The following RANBP2 variants were observed in gnomAD, a reference collection of about 807,000 sequenced individuals.
RANBP2 encodes E3 SUMO-protein ligase RanBP2.
RANBP2 carries 57 observed loss-of-function variants against 303.6 expected under a neutral mutation model. The observed-to-expected ratio is 0.19, with a 90% CI of 0.15 to 0.23. The LOEUF (loss-of-function observed/expected upper bound fraction) is 0.23. RANBP2 is among the 10% of genes least tolerant of loss of function. The probability of loss-of-function intolerance (pLI) is 1.00; values close to 1 mark genes in which losing one functional copy is unlikely to be tolerated. For missense variants in RANBP2, 3,138 were observed against 3,780.8 expected, an observed-to-expected ratio of 0.83 and a Z score of 4.46; for synonymous variants, 1,167 against 1,301.5, an observed-to-expected ratio of 0.90 and a Z score of 2.23.
At chr2:109,182,015 A>C in the RANBP2 span, among the ~76,000 whole-genome samples, 1 of 152,124 alleles carries the variant, frequency 6.6e-6, no homozygotes, top group Non-Finnish European at 1.5e-5. Context: ...CTGATTTTGA[A>C]CTTCAAAAAA....
chr2:109,713,553 T>G, the RANBP2 span, among the ~76,000 whole-genome samples: 1 of 152,154 alleles, frequency 6.6e-6, no homozygotes, highest in South Asian at 2.1e-4. Flanking sequence ...TTCACTGGGT[T>G]GGAAATCAAT....
chr2:109,731,501 T>A, the RANBP2 span, among the ~76,000 whole-genome samples: 6 of 151,922 alleles, frequency 3.9e-5, no homozygotes, highest in Non-Finnish European at 7.4e-5. Context: ...TTCAAGCAAT[T>A]CTCTTGCCTC....
At chr2:108,997,884 C>A in the RANBP2 span, among the ~76,000 whole-genome samples, 4 of 152,186 alleles carry the variant, frequency 2.6e-5, no homozygotes, top group Non-Finnish European at 5.9e-5. Context: ...GAGTTAGACT[C>A]CGTCTCAAAA....
chr2:108,756,245 G>A (rs1676308518), intron 17 of RANBP2, among the ~76,000 whole-genome samples: 3 of 152,166 alleles, frequency 2.0e-5, no homozygotes, highest in Admixed American at 2.0e-4. Context: ...GTATAGCTAG[G>A]AATTGAAAAG....
the RANBP2 span, among the ~76,000 whole-genome samples, chr2:109,656,911 C>A: frequency 1.3e-5 from 2 of 151,838 alleles, no homozygotes; most frequent in Admixed American, 6.6e-5. Context: ...AAAAGTAGGG[C>A]GGTTCATAGA....
the RANBP2 span, among the ~76,000 whole-genome samples, chr2:108,833,963 G>T: frequency 6.9e-6 from 1 of 145,296 alleles, no homozygotes; most frequent in Non-Finnish European, 1.5e-5. Context: ...AGCCAGGATG[G>T]TCTCTATCTC....
the RANBP2 span, among the ~76,000 whole-genome samples, chr2:109,228,771 G>C: frequency 6.6e-6 from 1 of 152,150 alleles, no homozygotes; most frequent in East Asian, 1.9e-4. Flanking sequence ...CCGTCTCTGT[G>C]GAGTTAGATG....
the RANBP2 span, among the ~76,000 whole-genome samples, chr2:108,904,842 A>G: frequency 6.6e-6 from 1 of 152,190 alleles, no homozygotes; most frequent in Non-Finnish European, 1.5e-5. Context: ...GGCTGTGGCT[A>G]TAAAAGGCAA....
chr2:109,674,458 C>T, the RANBP2 span, among the ~76,000 whole-genome samples: 14 of 147,262 alleles, frequency 9.5e-5, no homozygotes, highest in Non-Finnish European at 1.5e-4. Flanking sequence ...ATGGCATGTA[C>T]CTGTAGTCCC....
the RANBP2 span, among the ~76,000 whole-genome samples, chr2:109,369,247 C>A: frequency 6.6e-6 from 1 of 151,602 alleles, no homozygotes; most frequent in Non-Finnish European, 1.5e-5. Context: ...ACTCTAGAGG[C>A]TGAGGCAGGG....
chr2:109,415,878 G>A, the RANBP2 span, among the ~76,000 whole-genome samples: 61 of 152,246 alleles, frequency 4.0e-4, no homozygotes, highest in Middle Eastern at 3.4e-3. Context: ...ACTGAGAGGT[G>A]GGGCCTTTAA....
the RANBP2 span, among the ~76,000 whole-genome samples, chr2:109,722,836 A>C: frequency 6.6e-6 from 1 of 151,978 alleles, no homozygotes; most frequent in Non-Finnish European, 1.5e-5. Context: ...GCTGCATAGT[A>C]CTCCATGGTG....
chr2:109,719,309 A>G, the RANBP2 span, among the ~76,000 whole-genome samples: 2 of 151,516 alleles, frequency 1.3e-5, no homozygotes, highest in Non-Finnish European at 2.9e-5. Context: ...CATGTTGATC[A>G]GGCTGGTCTC....
At chr2:109,544,358 T>C in the RANBP2 span, 13 of 1,559,802 alleles carry the variant, frequency 8.3e-6, no homozygotes, top group Non-Finnish European at 1.0e-5. Flanking sequence ...ATTGGTACAA[T>C]TTAAAAAAAA....
the RANBP2 span, among the ~76,000 whole-genome samples, chr2:109,357,444 G>T: frequency 6.6e-6 from 1 of 152,212 alleles, no homozygotes; most frequent in Non-Finnish European, 1.5e-5. Flanking sequence ...GCCTCCCAAA[G>T]TGCTGGGATT....
At chr2:109,263,688 C>T in the RANBP2 span, among the ~76,000 whole-genome samples, 4 of 152,128 alleles carry the variant, frequency 2.6e-5, no homozygotes, top group African/African-American at 7.2e-5. Context: ...AATGTGAGGC[C>T]GGGTGCGGTG....
chr2:109,550,596 G>A, the RANBP2 span, among the ~76,000 whole-genome samples: 8 of 152,190 alleles, frequency 5.3e-5, no homozygotes, highest in South Asian at 2.1e-4. Context: ...TTGCAGGCGT[G>A]AGCCACCACG....
chr2:109,251,307 CA>C, the RANBP2 span: 1 of 415,896 alleles, frequency 2.4e-6, no homozygotes, highest in Non-Finnish European at 4.5e-6. Flanking sequence ...ATGCCCGGCC[CA>C]AATTATCTTT....
the RANBP2 span, among the ~76,000 whole-genome samples, chr2:109,299,518 T>C: frequency 7.6e-4 from 116 of 152,176 alleles, 1 homozygote; most frequent in Middle Eastern, 3.4e-3. Context: ...GCCTTAGCCT[T>C]GCACCCCAGG....
Sources: allele counts gnomAD v4.1 joint callset (sites outside exome capture counted in the v4.1 genomes callset), GRCh38; gene constraint gnomAD v4.1.1; transcripts MANE v1.5; gene names NCBI Gene and HGNC (gene_info 2026-07-23, HGNC 2026-07-21).